PLAC1: variants seen among roughly 807,000 people sequenced by gnomAD.
PLAC1 encodes the protein placenta-specific protein 1.
For synonymous variants in PLAC1, 68 were observed against 62.1 expected, an observed-to-expected ratio of 1.09 and a Z score of -0.44; for missense variants, 136 against 163.2, an observed-to-expected ratio of 0.83 and a Z score of 0.91.
chrX:134,658,440 G>A lies in PLAC1; in HGVS notation c.-243C>T, dbSNP rs768723240. ...AAGAGGGGTGGCCTTTACCTTCATA[G>A]GAGAGTCACTCTTTATACAAATCCT... On this transcript the variant is annotated 5_prime_UTR_variant, in exon 1 of 3. Transcript: ENST00000359237. The A allele has an allele frequency of 3.6e-5, 4 of 112,540 alleles. No homozygotes were observed. Among genetic ancestry groups the A allele is most frequent in the Non-Finnish European group, 7.5e-5 (4 of 53,309 alleles). 9.3% of individuals were successfully genotyped at this position (112,540 alleles called of 1,213,427 possible).
chrX:134,688,905 T>G (rs1181488386), intron 2 of PLAC1, among the ~76,000 whole-genome samples: 1 of 111,736 alleles, frequency 8.9e-6, no homozygotes, highest in African/African-American at 3.3e-5. Flanking sequence ...TCCAACTCTT[T>G]ATGTCCAAAA....
At chrX:134,594,164 T>C (rs1335425025) in intron 2 of PLAC1, among the ~76,000 whole-genome samples, 1 of 111,957 alleles carries the variant, frequency 8.9e-6, no homozygotes, top group Non-Finnish European at 1.9e-5. Flanking sequence ...TATAATCATG[T>C]GATTTTTCTT....
intron 1 of PLAC1, among the ~76,000 whole-genome samples, chrX:134,643,932 G>GAAT (rs59970411): frequency 0.017 from 1,749 of 100,412 alleles, 20 homozygotes; most frequent in African/African-American, 0.041. Context: ...TGTAAAAGAG[G>GAAT]AATAATAATA....
intron 2 of PLAC1, among the ~76,000 whole-genome samples, chrX:134,701,275 C>T (rs899152528): frequency 2.7e-5 from 3 of 111,599 alleles, no homozygotes; most frequent in Non-Finnish European, 5.6e-5. Flanking sequence ...TTACCATATA[C>T]AAAAATTAAC....
chrX:134,589,586 G>A (rs1424964488), intron 2 of PLAC1, among the ~76,000 whole-genome samples: 1 of 109,202 alleles, frequency 9.2e-6, no homozygotes, highest in Non-Finnish European at 1.9e-5. Flanking sequence ...AATTAGCCGG[G>A]CGTGGTGGGG....
intron 1 of PLAC1, among the ~76,000 whole-genome samples, chrX:134,748,013 T>C (rs896224347): frequency 8.9e-6 from 1 of 112,008 alleles, no homozygotes; most frequent in African/African-American, 3.2e-5. Flanking sequence ...CTCTGTGCTA[T>C]CACATGTCTC....
chrX:134,589,430 T>G (rs2078023460), intron 2 of PLAC1, among the ~76,000 whole-genome samples: 1 of 111,118 alleles, frequency 9.0e-6, no homozygotes, highest in African/African-American at 3.3e-5. Context: ...GGCTTGGGAT[T>G]CTGTACCTCA....
At chrX:134,611,884 T>C (rs184317489) in intron 1 of PLAC1, among the ~76,000 whole-genome samples, 75 of 111,559 alleles carry the variant, frequency 6.7e-4, no homozygotes, top group African/African-American at 2.3e-3. Flanking sequence ...ATGGGTGCTA[T>C]GGTTTCTCAG....
intron 2 of PLAC1, among the ~76,000 whole-genome samples, chrX:134,710,147 T>C (rs964617696): frequency 9.0e-6 from 1 of 111,200 alleles, no homozygotes; most frequent in African/African-American, 3.3e-5. Flanking sequence ...TAAAAGGCAA[T>C]CAACACAATG....
At chrX:134,657,130 C>A (rs1290367606) in intron 1 of PLAC1, among the ~76,000 whole-genome samples, 1 of 111,974 alleles carries the variant, frequency 8.9e-6, no homozygotes, top group Non-Finnish European at 1.9e-5. Context: ...ACAGGAAGGA[C>A]CAAGGGTTGC....
At chrX:134,715,135 G>A (rs1199510490) in intron 2 of PLAC1, among the ~76,000 whole-genome samples, 1 of 111,867 alleles carries the variant, frequency 8.9e-6, no homozygotes, top group East Asian at 2.8e-4. Flanking sequence ...TGAGGTAGGT[G>A]TTATCCTCAT....
upstream of PLAC1, among the ~76,000 whole-genome samples, chrX:134,660,658 A>C (rs188321350): frequency 8.9e-6 from 1 of 112,295 alleles, no homozygotes; most frequent in African/African-American, 3.2e-5. Flanking sequence ...GCTAAGCTAC[A>C]TGGAGGACAG....
At position 134,701,315 on chromosome X, in the gene PLAC1, A is replaced by T. The variant is rs762690650; in HGVS notation, n.174+32120T>A. 7.4e-4 allele frequency among the ~76,000 whole-genome samples: 83 copies of T among 111,775 alleles called. 1 individual carries two copies. The highest frequency in any genetic ancestry group is 2.4e-3 in the African/African-American group (75 of 30,791). The stretch of plus-strand genomic sequence containing the variant: ...GATGGATCAAAAATTTAAATGCAAG[A>T]CCACATACTATAAAAATTCTAGAAG... On this transcript the variant is annotated intron_variant and non_coding_transcript_variant, in intron 2 of 2. Coordinates refer to the PLAC1 transcript ENST00000466797.
intron 1 of PLAC1, among the ~76,000 whole-genome samples, chrX:134,610,246 G>A (rs1355757538): frequency 1.8e-5 from 2 of 111,719 alleles, no homozygotes; most frequent in Admixed American, 1.9e-4. Flanking sequence ...AAAGTGCTGG[G>A]ATTACAGGCG....
intron 2 of PLAC1, among the ~76,000 whole-genome samples, chrX:134,717,705 C>T (rs2078647359): frequency 8.9e-6 from 1 of 112,017 alleles, no homozygotes; most frequent in African/African-American, 3.2e-5. Flanking sequence ...TTGGAAATAG[C>T]ATTCTGATTT....
chrX:134,593,558 G>T (rs986040420), intron 2 of PLAC1, among the ~76,000 whole-genome samples: 3 of 112,052 alleles, frequency 2.7e-5, no homozygotes, highest in African/African-American at 9.7e-5. Context: ...CTTCTCCATT[G>T]AGTTAGATAT....
At chrX:134,575,458 C>CA (rs56669568) in intron 2 of PLAC1, among the ~76,000 whole-genome samples, 27 of 68,821 alleles carry the variant, frequency 3.9e-4, no homozygotes, top group Admixed American at 7.1e-4. Context: ...AAAAAACAAA[C>CA]AAAAAAAAAA....
At chrX:134,708,144 C>T (rs754502237) in intron 2 of PLAC1, among the ~76,000 whole-genome samples, 15 of 112,051 alleles carry the variant, frequency 1.3e-4, no homozygotes, top group African/African-American at 3.6e-4. Flanking sequence ...TGAACGGGTT[C>T]GACCAACTAT....
chrX:134,590,494 A>G (rs1048266936), intron 2 of PLAC1, among the ~76,000 whole-genome samples: 2 of 112,475 alleles, frequency 1.8e-5, no homozygotes, highest in African/African-American at 6.5e-5. Flanking sequence ...AGTTGATCTC[A>G]AAAATGTGTA....
Sources: gnomAD v4.1 joint callset for allele counts (sites outside exome capture counted in the v4.1 genomes callset) on GRCh38, gnomAD v4.1.1 for gene constraint, MANE v1.5 for transcripts, NCBI Gene and HGNC (gene_info 2026-07-23, HGNC 2026-07-21) for gene names.